Variants in SAMD12 observed in about 807,000 individuals in gnomAD.
SAMD12 encodes sterile alpha motif domain-containing protein 12.
A neutral mutation model predicts 15.0 loss-of-function variants in SAMD12; 9 were observed. The observed-to-expected ratio is 0.60, with a 90% confidence interval of 0.36 to 1.05. The LOEUF (loss-of-function observed/expected upper bound fraction) is 1.05. Ranked by LOEUF, SAMD12 falls within the 50% of genes least tolerant of loss-of-function variation. The pLI, the probability that SAMD12 is intolerant of heterozygous loss-of-function variation, is 0.01. For missense variants in SAMD12, 230 were observed against 234.2 expected, an observed-to-expected ratio of 0.98 and a Z score of 0.12; for synonymous variants, 86 against 90.1, an observed-to-expected ratio of 0.96 and a Z score of 0.25.
intron 4 of SAMD12, among the ~76,000 whole-genome samples, chr8:118,228,769 C>G (rs1206798841): frequency 6.6e-6 from 1 of 152,154 alleles, no homozygotes; most frequent in Non-Finnish European, 1.5e-5. Context: ...CTATTTGATC[C>G]AGCAATCCCA....
chr8:118,215,236 C>A (rs17485036), intron 4 of SAMD12, among the ~76,000 whole-genome samples: 1 of 152,070 alleles, frequency 6.6e-6, no homozygotes, highest in Non-Finnish European at 1.5e-5. Flanking sequence ...ACAGCCACAC[C>A]CATTTGTTTA....
At chr8:118,181,142 C>T in the SAMD12 span, among the ~76,000 whole-genome samples, 2 of 152,154 alleles carry the variant, frequency 1.3e-5, no homozygotes, top group East Asian at 1.9e-4. Flanking sequence ...CTGCTTCAGC[C>T]TCTGGAGTAG....
At chr8:118,556,977 A>G (rs1826552142) in intron 2 of SAMD12, among the ~76,000 whole-genome samples, 1 of 152,002 alleles carries the variant, frequency 6.6e-6, no homozygotes, top group South Asian at 2.1e-4. Flanking sequence ...AAAAAAAGAA[A>G]GAAAGAAAGA....
chr8:118,344,241 C>T (rs1817516049), intron 4 of SAMD12, among the ~76,000 whole-genome samples: 1 of 152,182 alleles, frequency 6.6e-6, no homozygotes, highest in Non-Finnish European at 1.5e-5. Flanking sequence ...GGAAGGTTGA[C>T]AGTACAATGC....
chr8:118,274,325 C>T (rs1345453387), intron 4 of SAMD12, among the ~76,000 whole-genome samples: 1 of 152,152 alleles, frequency 6.6e-6, no homozygotes, highest in Non-Finnish European at 1.5e-5. Flanking sequence ...AGGTTTCCTG[C>T]ATATGGCTTT....
intron 3 of SAMD12, among the ~76,000 whole-genome samples, chr8:118,426,325 C>G (rs1822234492): frequency 1.3e-5 from 2 of 152,228 alleles, no homozygotes; most frequent in East Asian, 1.9e-4. Context: ...CTTGAGTCAC[C>G]CATTGAACTC....
chr8:118,265,626 C>T (rs969649028), intron 4 of SAMD12, among the ~76,000 whole-genome samples: 1 of 151,416 alleles, frequency 6.6e-6, no homozygotes, highest in African/African-American at 2.4e-5. Context: ...ACTAGATTCC[C>T]TCTCTTTGGA....
the SAMD12 span, among the ~76,000 whole-genome samples, chr8:118,151,482 C>G: frequency 6.6e-6 from 1 of 152,052 alleles, no homozygotes; most frequent in Non-Finnish European, 1.5e-5. Flanking sequence ...AAATAAACAG[C>G]AATCATAAAA....
chr8:118,522,139 C>G (rs541729366), intron 2 of SAMD12, among the ~76,000 whole-genome samples: 2 of 150,810 alleles, frequency 1.3e-5, no homozygotes, highest in South Asian at 4.2e-4. Context: ...TGACAGTTAA[C>G]AACTACTGAT....
At chr8:118,292,702 C>G (rs1042042258) in intron 4 of SAMD12, among the ~76,000 whole-genome samples, 1 of 151,808 alleles carries the variant, frequency 6.6e-6, no homozygotes, top group Non-Finnish European at 1.5e-5. Flanking sequence ...ACATATACAC[C>G]ACGGAATACT....
At chr8:118,150,498 G>T in the SAMD12 span, among the ~76,000 whole-genome samples, 1 of 151,834 alleles carries the variant, frequency 6.6e-6, no homozygotes, top group South Asian at 2.1e-4. Context: ...CTCTCACCTC[G>T]GCCTCCCGAG....
intron 4 of SAMD12, among the ~76,000 whole-genome samples, chr8:118,310,178 C>G (rs1563752941): frequency 1.3e-5 from 2 of 152,186 alleles, no homozygotes; most frequent in Non-Finnish European, 2.9e-5. Flanking sequence ...GATATTGCCT[C>G]TCTAATCACA....
intron 2 of SAMD12, among the ~76,000 whole-genome samples, chr8:118,480,524 C>A (rs1001327268): frequency 1.3e-4 from 20 of 152,312 alleles, no homozygotes; most frequent in South Asian, 2.1e-4. Flanking sequence ...GTAATGCAAA[C>A]AACAGGGTCA....
rs1288435877 is a variant in SAMD12, at chr8:118,621,840, T to A, written c.-24A>T. On this transcript the variant is annotated 5_prime_UTR_variant, in exon 1 of 4. The change abolishes an upstream ATG in the 5' untranslated region. Transcript: ENST00000314727. ...ATTCTCTCAGAGCTTCCCTAACGCATGCATAATTTTCTTGGCCGAGGTACT... is the reference window on the plus strand; with the variant it reads ...ATTCTCTCAGAGCTTCCCTAACGCAAGCATAATTTTCTTGGCCGAGGTACT... 1 of 1,613,890 alleles carries A rather than the reference T, an allele frequency of 6.2e-7. No homozygotes were observed. The highest frequency in any genetic ancestry group is 1.7e-5 in the Admixed American group (1 of 60,022).
At chr8:118,231,792 C>A (rs1812314817) in intron 4 of SAMD12, among the ~76,000 whole-genome samples, 1 of 152,072 alleles carries the variant, frequency 6.6e-6, no homozygotes, top group Non-Finnish European at 1.5e-5. Context: ...CCAGATGCTA[C>A]ATGCCCCAGC....
intron 2 of SAMD12, among the ~76,000 whole-genome samples, chr8:118,511,441 TTTTTGTTTTTG>T (rs2131066632): frequency 7.0e-6 from 1 of 142,384 alleles, no homozygotes; most frequent in South Asian, 2.7e-4. Flanking sequence ...AAACCTCTTG[TTTTTGTTTTTG>T]TTTTTTTTTT....
intron 1 of SAMD12, among the ~76,000 whole-genome samples, chr8:118,583,288 G>C (rs1281890483): frequency 6.6e-6 from 1 of 152,178 alleles, no homozygotes; most frequent in Non-Finnish European, 1.5e-5. Context: ...CAAAGCCTCT[G>C]AGAGCTTGAA....
At chr8:118,154,159 C>CACACAT in the SAMD12 span, among the ~76,000 whole-genome samples, 1 of 150,146 alleles carries the variant, frequency 6.7e-6, no homozygotes, top group Admixed American at 6.7e-5. Flanking sequence ...CACACACACA[C>CACACAT]ACATACACAC....
intron 4 of SAMD12, among the ~76,000 whole-genome samples, chr8:118,260,968 T>A (rs1286881555): frequency 6.6e-6 from 1 of 152,138 alleles, no homozygotes; most frequent in Non-Finnish European, 1.5e-5. Flanking sequence ...TTGAGCCTTC[T>A]CTTTCCTTTC....
Sources: gnomAD v4.1 joint callset for allele counts (sites outside exome capture counted in the v4.1 genomes callset) on GRCh38, gnomAD v4.1.1 for gene constraint, MANE v1.5 for transcripts, NCBI Gene and HGNC (gene_info 2026-07-23, HGNC 2026-07-21) for gene names.